The following TMX2 variants were observed in gnomAD, a reference collection of about 807,000 sequenced individuals.
TMX2 encodes the protein thioredoxin related transmembrane protein 2, also known as thioredoxin-related transmembrane protein 2.
A neutral mutation model predicts 33.4 loss-of-function variants in TMX2; 20 were observed. The ratio of observed to expected loss-of-function variants is 0.60; its 90% CI spans 0.42 to 0.87. TMX2 has a LOEUF of 0.87. Among genes scored for constraint, TMX2 ranks in the 40% least tolerant of loss-of-function variants. The pLI is 0.00. For missense variants in TMX2, 340 were observed against 370.7 expected (o/e 0.92, Z 0.68); for synonymous variants, 166 against 140.7 (o/e 1.18, Z -1.27).
intron 1 of TMX2, among the ~76,000 whole-genome samples, chr11:57,717,072 G>A (rs1375900455): frequency 4.1e-5 from 6 of 146,864 alleles, no homozygotes; most frequent in African/African-American, 7.9e-5. Flanking sequence ...ACGGGGCGGC[G>A]GGGCAGAGGC....
intron 1 of TMX2, among the ~76,000 whole-genome samples, chr11:57,727,470 T>TA (rs918907585): frequency 2.0e-5 from 3 of 152,228 alleles, no homozygotes; most frequent in Admixed American, 2.0e-4. Context: ...TGATTTTTTT[T>TA]ATCTTGCCCA....
chr11:57,738,948 C>T (rs1237879353), intron 5 of TMX2, 26 bp from the exon 6 acceptor site: 2 of 1,602,388 alleles, frequency 1.2e-6, no homozygotes, highest in Admixed American at 3.4e-5. Context: ...TTTTTTTCAG[C>T]ATATTAAATA....
chr11:57,731,129 T>TG (rs1948368717), intron 1 of TMX2, among the ~76,000 whole-genome samples: 1 of 6,550 alleles, frequency 1.5e-4, no homozygotes, highest in Non-Finnish European at 5.7e-4. Context: ...TTTTTTGTTT[T>TG]TTTTTTTTTT....
intron 1 of TMX2, among the ~76,000 whole-genome samples, chr11:57,733,450 T>C (rs1456391545): frequency 6.6e-6 from 1 of 151,894 alleles, no homozygotes; most frequent in Non-Finnish European, 1.5e-5. Flanking sequence ...TAGAGACGGG[T>C]TTCACCATGT....
intron 1 of TMX2, among the ~76,000 whole-genome samples, chr11:57,737,287 G>T (rs906185862): frequency 1.3e-5 from 2 of 152,158 alleles, no homozygotes; most frequent in Non-Finnish European, 2.9e-5. Flanking sequence ...GGGTGTGGTG[G>T]CGCATGTCTG....
At chr11:57,727,376 T>C (rs892408531) in intron 1 of TMX2, among the ~76,000 whole-genome samples, 15 of 152,134 alleles carry the variant, frequency 9.9e-5, no homozygotes, top group African/African-American at 3.6e-4. Context: ...TCCTAGCACG[T>C]TGGGACCTGC....
chr11:57,732,431 C>T (rs1441684443), intron 1 of TMX2, among the ~76,000 whole-genome samples: 1 of 152,134 alleles, frequency 6.6e-6, no homozygotes, highest in Non-Finnish European at 1.5e-5. Flanking sequence ...TTCAGAGGAT[C>T]TTTCATTTGA....
intron 1 of TMX2, among the ~76,000 whole-genome samples, chr11:57,726,426 A>AT (rs935138302): frequency 2.0e-5 from 3 of 151,674 alleles, no homozygotes; most frequent in Admixed American, 2.0e-4. Flanking sequence ...AAAAGATAAG[A>AT]TTAAAAAAAA....
Position 57,738,959 on chromosome 11 carries a change from ATATAT to A in TMX2, c.549-13_549-9del, listed in dbSNP as rs747545529. ...TTATTTTTTTTCAGCATATTAAATA[ATATAT>A]TCTTTTCAGATACAACTGTACAGGG... is the stretch of plus-strand genomic sequence containing the variant. On this transcript the variant is annotated splice_polypyrimidine_tract_variant and intron_variant, in intron 5 of 7. Coordinates refer to ENST00000278422, the MANE Select transcript of TMX2 (RefSeq NM_015959.4). The A allele has an allele frequency of 5.0e-6, 8 of 1,611,294 alleles. 1 individual carries two copies. In the South Asian group the frequency reaches 6.6e-5, roughly 13 times the overall value.
chr11:57,740,040 C>T (rs1948996099), intron 7 of TMX2, 59 bp from the exon 8 acceptor site: 1 of 1,609,872 alleles, frequency 6.2e-7, no homozygotes, highest in Non-Finnish European at 8.5e-7. Context: ...CTCTTACTTC[C>T]CAGGCTCTTT....
chr11:57,714,661 A>G (rs998137896), intron 1 of TMX2, among the ~76,000 whole-genome samples: 4 of 152,074 alleles, frequency 2.6e-5, no homozygotes, highest in Non-Finnish European at 5.9e-5. Context: ...TGATGTGATC[A>G]TGGCTCACTG....
chr11:57,738,762 C>T lies in TMX2; in HGVS notation c.540C>T (p.Leu180=), dbSNP rs1353681114. Residue 180 remains leucine (L), a synonymous_variant, in exon 5 of 8, where the codon CTC becomes CTT. Coordinates refer to ENST00000278422, the MANE Select transcript of TMX2 (RefSeq NM_015959.4). ...CATTTGCCCCTATCTATGCTGACCT[C>T]TCCCTTAAGTGAGTAGTGCAAAGGG... ...CQSFAPIYAD[L]SLKYNCTGLN... The T allele has an allele frequency of 3.1e-6, 5 of 1,613,552 alleles. No individual in the cohort carries two copies. Among genetic ancestry groups the T allele is most frequent in the Non-Finnish European group, 3.4e-6 (4 of 1,179,484 alleles).
chr11:57,730,979 AAC>A (rs752386786), intron 1 of TMX2, among the ~76,000 whole-genome samples: 3 of 79,744 alleles, frequency 3.8e-5, no homozygotes, highest in Admixed American at 3.3e-4. Context: ...AAAATGCACT[AAC>A]ACAAAACTTA....
chr11:57,720,202 C>T lies in TMX2; in HGVS notation c.189+7395C>T, dbSNP rs551291049. The stretch of plus-strand genomic sequence containing the variant: ...GGGCCTCTCGTTTTCCTTATAGAGC[C>T]CCAAAAGTCACTAATGGGTTCATGT... On this transcript the variant is annotated intron_variant, in intron 1 of 7. Coordinates refer to ENST00000278422, the MANE Select transcript of TMX2 (RefSeq NM_015959.4). 1.3e-4 allele frequency among the ~76,000 whole-genome samples: 19 copies of T among 151,518 alleles called. No homozygotes were observed. The South Asian group carries it at 4.0e-3, about 32-fold the overall frequency.
chr11:57,717,036 G>A (rs1413749634), intron 1 of TMX2, among the ~76,000 whole-genome samples: 2 of 148,622 alleles, frequency 1.3e-5, no homozygotes, highest in Admixed American at 6.6e-5. Flanking sequence ...GGTCGCGGCC[G>A]GGCAGAGGCG....
intron 3 of TMX2, 49 bp downstream of exon 3, chr11:57,738,075 G>A: frequency 7.0e-7 from 1 of 1,427,932 alleles, no homozygotes; most frequent in Non-Finnish European, 9.5e-7. Flanking sequence ...AGACTGTGTT[G>A]ATAGACTTGA....
intron 1 of TMX2, among the ~76,000 whole-genome samples, chr11:57,722,509 A>G (rs1472455806): frequency 6.6e-6 from 1 of 152,190 alleles, no homozygotes; most frequent in Non-Finnish European, 1.5e-5. Flanking sequence ...AGGCAAATAA[A>G]GTATCTTTTG....
intron 1 of TMX2, among the ~76,000 whole-genome samples, chr11:57,736,386 T>C (rs1948752735): frequency 6.6e-6 from 1 of 151,064 alleles, no homozygotes; most frequent in Admixed American, 6.6e-5. Flanking sequence ...TTTAAGAAAG[T>C]CTATGAATTT....
rs1480013058 is a variant in TMX2, at chr11:57,739,356, C to T, written c.744+96C>T. On this transcript the variant is annotated intron_variant, in intron 7 of 7. Transcript: ENST00000278422. Reference sequence around the variant, plus strand: ...TTGATTCACAGCTCTGCCACTTGCCCATTAGCTTTGAGGGTGTGGACTAGT... The same window carrying T: ...TTGATTCACAGCTCTGCCACTTGCCTATTAGCTTTGAGGGTGTGGACTAGT... 5 of 1,360,400 alleles carry T rather than the reference C, an allele frequency of 3.7e-6. No individual in the cohort carries two copies. In the African/African-American group the frequency reaches 7.2e-5, roughly 19 times the overall value. 84.3% of individuals were successfully genotyped at this position (1,360,400 alleles called of 1,614,324 possible).
Sources: gnomAD v4.1 joint callset for allele counts (sites outside exome capture counted in the v4.1 genomes callset) on GRCh38, gnomAD v4.1.1 for gene constraint, MANE v1.5 for transcripts, NCBI Gene and HGNC (gene_info 2026-07-23, HGNC 2026-07-21) for gene names.